Variants in PRELID2 observed in about 807,000 individuals in gnomAD.
PRELID2 encodes the protein PRELI domain-containing protein 2.
Under a neutral mutation model 28.4 loss-of-function variants are expected in PRELID2, and 25 were observed. The ratio of observed to expected loss-of-function variants is 0.88; its 90% CI spans 0.64 to 1.23. The LOEUF is 1.23. PRELID2 is among the 50% of genes most tolerant of loss of function. The pLI, the probability that PRELID2 is intolerant of heterozygous loss-of-function variation, is 0.00. For missense variants in PRELID2, 201 were observed against 214.4 expected, an observed-to-expected ratio of 0.94 and a Z score of 0.39; for synonymous variants, 76 against 71.6, an observed-to-expected ratio of 1.06 and a Z score of -0.31.
chr5:145,730,206 T>A (rs1756299487), intron 1 of PRELID2, among the ~76,000 whole-genome samples: 1 of 152,082 alleles, frequency 6.6e-6, no homozygotes, highest in African/African-American at 2.4e-5. Context: ...CTGGACATGT[T>A]CCAAGACTCT....
At chr5:145,329,421 G>GC in the PRELID2 span, among the ~76,000 whole-genome samples, 1 of 152,166 alleles carries the variant, frequency 6.6e-6, no homozygotes, top group Non-Finnish European at 1.5e-5. Context: ...AGCATGGAAT[G>GC]TTTTTCCATT....
At chr5:145,799,419 T>C (rs116834168) in intron 4 of PRELID2, among the ~76,000 whole-genome samples, 3,198 of 152,172 alleles carry the variant, frequency 0.021, 127 homozygotes, top group African/African-American at 0.072. Flanking sequence ...GGCTACTATA[T>C]GCTAAGTGCC....
chr5:145,382,836 G>A, the PRELID2 span, among the ~76,000 whole-genome samples: 2 of 151,296 alleles, frequency 1.3e-5, no homozygotes, highest in African/African-American at 4.9e-5. Flanking sequence ...TAACAAACTT[G>A]TACATGTACC....
At chr5:145,243,584 GTCA>G in the PRELID2 span, among the ~76,000 whole-genome samples, 2 of 151,928 alleles carry the variant, frequency 1.3e-5, no homozygotes, top group African/African-American at 2.4e-5. Context: ...CTTTCTCAGT[GTCA>G]TCATCACCAT....
chr5:145,710,662 A>G (rs982843753), intron 1 of PRELID2, among the ~76,000 whole-genome samples: 6 of 152,236 alleles, frequency 3.9e-5, no homozygotes, highest in Non-Finnish European at 8.8e-5. Context: ...GGGCTCAGAC[A>G]CTTTTGTTCT....
rs191813117 is a variant in PRELID2 at position 145,781,840 on chromosome 5, C to G, written c.474+14602G>C. On this transcript the variant is annotated intron_variant, in intron 5 of 6. Coordinates refer to ENST00000683046, the MANE Select transcript of PRELID2 (RefSeq NM_205846.3). Reference sequence around the variant, plus strand: ...TTTTTGGTATTTCAATGCAGCCTGGCCAGAGCTGTAGCAGCTTTCAATTCT... The same window carrying G: ...TTTTTGGTATTTCAATGCAGCCTGGGCAGAGCTGTAGCAGCTTTCAATTCT... Among the ~76,000 whole-genome samples the G allele has an allele frequency of 6.0e-4, 90 of 150,770 alleles. 1 individual carries two copies. The highest frequency in any genetic ancestry group is 2.1e-3 in the African/African-American group (88 of 41,158).
At chr5:145,442,966 T>C in the PRELID2 span, among the ~76,000 whole-genome samples, 145 of 152,050 alleles carry the variant, frequency 9.5e-4, no homozygotes, top group Non-Finnish European at 1.6e-3. Context: ...ATGAGGGCAT[T>C]TATAGCCCTA....
At chr5:145,386,891 C>G in the PRELID2 span, among the ~76,000 whole-genome samples, 26 of 152,170 alleles carry the variant, frequency 1.7e-4, no homozygotes, top group African/African-American at 5.8e-4. Context: ...CACTTTATAA[C>G]ATTAATTCTC....
At chr5:145,749,425 C>T (rs1757073868) in intron 1 of PRELID2, among the ~76,000 whole-genome samples, 1 of 152,186 alleles carries the variant, frequency 6.6e-6, no homozygotes, top group Non-Finnish European at 1.5e-5. Flanking sequence ...TACCATCTCA[C>T]ACCAGTCAGA....
intron 1 of PRELID2, among the ~76,000 whole-genome samples, chr5:145,641,559 C>T (rs1754106393): frequency 6.6e-6 from 1 of 152,176 alleles, no homozygotes; most frequent in Non-Finnish European, 1.5e-5. Flanking sequence ...GTGTGCAGAA[C>T]ATGCAGTTTT....
chr5:145,399,002 C>T, the PRELID2 span, among the ~76,000 whole-genome samples: 2 of 152,070 alleles, frequency 1.3e-5, no homozygotes, highest in Non-Finnish European at 1.5e-5. Flanking sequence ...TGGAGATGTG[C>T]CTGGGATCCA....
chr5:145,637,097 A>G (rs1430077172), intron 1 of PRELID2, among the ~76,000 whole-genome samples: 5 of 152,158 alleles, frequency 3.3e-5, no homozygotes, highest in African/African-American at 9.6e-5. Context: ...GACTCTTCCA[A>G]CTGGAATTAT....
chr5:145,325,067 C>T, the PRELID2 span, among the ~76,000 whole-genome samples: 3 of 152,108 alleles, frequency 2.0e-5, no homozygotes, highest in African/African-American at 7.2e-5. Context: ...ATGACACTTT[C>T]CTATAAGCAA....
chr5:145,457,640 CTAGACAAA>C, the PRELID2 span, among the ~76,000 whole-genome samples: 1 of 152,152 alleles, frequency 6.6e-6, no homozygotes, highest in Non-Finnish European at 1.5e-5. Flanking sequence ...TGAGACCCCA[CTAGACAAA>C]TACTGCCACA....
intron 1 of PRELID2, among the ~76,000 whole-genome samples, chr5:145,546,133 T>C (rs1053728709): frequency 2.0e-5 from 3 of 152,140 alleles, no homozygotes; most frequent in Non-Finnish European, 1.5e-5. Flanking sequence ...ACTTGTGAAG[T>C]GTATGACATT....
chr5:145,273,883 G>A, the PRELID2 span, among the ~76,000 whole-genome samples: 1 of 152,080 alleles, frequency 6.6e-6, no homozygotes, highest in Non-Finnish European at 1.5e-5. Flanking sequence ...ATAGGCATAG[G>A]CAATGACATG....
At chr5:145,445,188 G>C in the PRELID2 span, among the ~76,000 whole-genome samples, 1 of 151,994 alleles carries the variant, frequency 6.6e-6, no homozygotes, top group Non-Finnish European at 1.5e-5. Context: ...CAGACACATA[G>C]ACTAATGGAA....
chr5:145,511,003 T>C (rs537902303), intron 1 of PRELID2, among the ~76,000 whole-genome samples: 2 of 152,188 alleles, frequency 1.3e-5, no homozygotes, highest in Non-Finnish European at 2.9e-5. Flanking sequence ...GTAAGCTGAC[T>C]GAGGTATGTG....
At chr5:145,686,985 T>C (rs1349073408) in intron 1 of PRELID2, among the ~76,000 whole-genome samples, 4 of 152,190 alleles carry the variant, frequency 2.6e-5, no homozygotes, top group African/African-American at 7.2e-5. Context: ...AGCTCTTCTA[T>C]TAAAGCAAGA....
Sources: allele counts gnomAD v4.1 joint callset (sites outside exome capture counted in the v4.1 genomes callset), GRCh38; gene constraint gnomAD v4.1.1; transcripts MANE v1.5; gene names NCBI Gene and HGNC (gene_info 2026-07-23, HGNC 2026-07-21).